The following CSMD1 variants were observed in gnomAD, a reference collection of about 807,000 sequenced individuals.
CSMD1 encodes the protein CUB and sushi domain-containing protein 1.
Under a neutral mutation model 417.5 loss-of-function variants are expected in CSMD1, and 213 were observed. The ratio of observed to expected loss-of-function variants is 0.51; its 90% CI spans 0.46 to 0.57. CSMD1 has a LOEUF of 0.57. CSMD1 is among the 20% of genes least tolerant of loss of function. CSMD1 has a pLI of 0.00. For missense variants in CSMD1, 6,923 were observed against 4,529.7 expected, an observed-to-expected ratio of 1.53 and a Z score of -15.17; for synonymous variants, 2,862 against 1,736.8, an observed-to-expected ratio of 1.65 and a Z score of -16.11.
intron 30 of CSMD1, among the ~76,000 whole-genome samples, chr8:3,208,878 T>C (rs1323255503): frequency 1.3e-5 from 2 of 152,234 alleles, no homozygotes; most frequent in Non-Finnish European, 2.9e-5. Flanking sequence ...GGACTCGGAA[T>C]GGCTCTTCTT....
intron 5 of CSMD1, among the ~76,000 whole-genome samples, chr8:3,904,461 A>C (rs1440340900): frequency 6.6e-6 from 1 of 152,152 alleles, no homozygotes; most frequent in African/African-American, 2.4e-5. Context: ...AGATTTCAGT[A>C]AATGCACATT....
chr8:4,852,341 G>C (rs537666116), intron 1 of CSMD1, among the ~76,000 whole-genome samples: 1 of 152,206 alleles, frequency 6.6e-6, no homozygotes, highest in East Asian at 1.9e-4. Context: ...AACAGTGAGA[G>C]AGTTCTTGCA....
intron 5 of CSMD1, among the ~76,000 whole-genome samples, chr8:3,763,105 G>A (rs1172612178): frequency 1.3e-5 from 2 of 152,112 alleles, no homozygotes; most frequent in African/African-American, 4.8e-5. Flanking sequence ...ACAGAGTGCT[G>A]GGCATGTGGT....
rs934475127 is a variant in CSMD1 at position 3,444,976 on chromosome 8, A to G, written c.1561+23736T>C. Among the ~76,000 whole-genome samples, 8 of 152,316 alleles carry G rather than the reference A, an allele frequency of 5.3e-5. 1 individual carries two copies. Among genetic ancestry groups the G allele is most frequent in the African/African-American group, 1.9e-4 (8 of 41,560 alleles). ...TAGCTATGAAGTCCTCATGTCAGAA[A>G]AACTCAAACTCGAACCTGTCCAAGC... On this transcript the variant is annotated intron_variant, in intron 12 of 69. Transcript: ENST00000635120.
chr8:4,614,087 G>A (rs910072811), intron 2 of CSMD1, among the ~76,000 whole-genome samples: 28 of 152,058 alleles, frequency 1.8e-4, no homozygotes, highest in Non-Finnish European at 2.5e-4. Flanking sequence ...CAGTTTACTG[G>A]CAAGCCAATG....
chr8:3,695,064 T>A (rs1800470154), intron 7 of CSMD1, among the ~76,000 whole-genome samples: 1 of 137,280 alleles, frequency 7.3e-6, no homozygotes, highest in Admixed American at 7.4e-5. Context: ...AGAAAGAACA[T>A]CACAAAAGAA....
intron 37 of CSMD1, among the ~76,000 whole-genome samples, chr8:3,178,157 T>C (rs1291138223): frequency 6.6e-6 from 1 of 152,196 alleles, no homozygotes; most frequent in Non-Finnish European, 1.5e-5. Flanking sequence ...CCAGACTTTC[T>C]TGGAACTGCT....
chr8:2,943,201 T>C (rs1174238051), intron 68 of CSMD1, among the ~76,000 whole-genome samples: 1 of 152,034 alleles, frequency 6.6e-6, no homozygotes, highest in Non-Finnish European at 1.5e-5. Flanking sequence ...TGCTAAAATG[T>C]AACTTTTTAA....
At chr8:4,221,981 G>C (rs1004019004) in intron 3 of CSMD1, among the ~76,000 whole-genome samples, 18 of 151,928 alleles carry the variant, frequency 1.2e-4, no homozygotes, top group Admixed American at 2.0e-4. Flanking sequence ...GGAGGAAGCT[G>C]TCCACCCAAC....
chr8:4,585,224 C>T (rs1186655469), intron 2 of CSMD1, among the ~76,000 whole-genome samples: 13 of 151,996 alleles, frequency 8.6e-5, no homozygotes, highest in Admixed American at 8.5e-4. Context: ...TAAAGAACAT[C>T]AGCAGAGAAC....
intron 12 of CSMD1, among the ~76,000 whole-genome samples, chr8:3,449,135 A>G (rs1815519630): frequency 6.6e-6 from 1 of 152,234 alleles, no homozygotes; most frequent in African/African-American, 2.4e-5. Flanking sequence ...CACTTGTAAT[A>G]CACTTAATCT....
chr8:3,761,025 C>G (rs879066646), intron 5 of CSMD1, among the ~76,000 whole-genome samples: 4 of 151,976 alleles, frequency 2.6e-5, no homozygotes, highest in Admixed American at 2.6e-4. Flanking sequence ...TTCATTATCT[C>G]TGTTTTGTCA....
At chr8:3,304,372 T>C (rs1412816962) in intron 25 of CSMD1, among the ~76,000 whole-genome samples, 1 of 152,144 alleles carries the variant, frequency 6.6e-6, no homozygotes, top group Non-Finnish European at 1.5e-5. Flanking sequence ...TTCTGAGTAT[T>C]AGTACAATTT....
chr8:3,367,218 G>T lies in CSMD1; in HGVS notation c.2929C>A (p.Leu977Ile), dbSNP rs767707693. 4 of 1,612,864 alleles carry T rather than the reference G, an allele frequency of 2.5e-6. No homozygotes were observed. In the South Asian group the frequency reaches 3.3e-5, roughly 13 times the overall value. ...GVQMIFHTFH[L>I]ESSHDYLLIT... ...AGTAAATAGTCGTGGGAACTCTCAA[G>T]ATGAAAGGTGTGAAAGATCATTTGA... The change falls in exon 20 of 70, where the codon CTT (leucine) becomes ATT (isoleucine). Residue 977 changes from leucine (L) to isoleucine (I), a missense_variant. By Grantham distance (5) the Leu-to-Ile change is conservative. Transcript: ENST00000635120.
chr8:4,597,388 C>A (rs1046442472), intron 2 of CSMD1, among the ~76,000 whole-genome samples: 1 of 152,090 alleles, frequency 6.6e-6, no homozygotes, highest in Non-Finnish European at 1.5e-5. Flanking sequence ...GTATGTTGAC[C>A]TGACCAAGGT....
At chr8:4,947,290 A>G (rs760269298) in intron 1 of CSMD1, among the ~76,000 whole-genome samples, 30 of 152,206 alleles carry the variant, frequency 2.0e-4, no homozygotes, top group Non-Finnish European at 3.2e-4. Flanking sequence ...CAGGAAACCT[A>G]TAAGACCATT....
intron 42 of CSMD1, among the ~76,000 whole-genome samples, chr8:3,111,650 G>A (rs576244638): frequency 6.6e-6 from 1 of 152,056 alleles, no homozygotes; most frequent in African/African-American, 2.4e-5. Flanking sequence ...TGACCAACAT[G>A]GGGAAACCCT....
At chr8:3,505,082 T>C (rs1796768271) in intron 10 of CSMD1, among the ~76,000 whole-genome samples, 1 of 152,116 alleles carries the variant, frequency 6.6e-6, no homozygotes, top group Non-Finnish European at 1.5e-5. Context: ...GGAGAATTTC[T>C]GTAACCCCTG....
chr8:3,254,473 C>G (rs1012388959), intron 26 of CSMD1, among the ~76,000 whole-genome samples: 8 of 152,170 alleles, frequency 5.3e-5, no homozygotes, highest in Non-Finnish European at 8.8e-5. Flanking sequence ...AGAGTGTTTT[C>G]CAACTTGGTT....
Sources: allele counts gnomAD v4.1 joint callset (sites outside exome capture counted in the v4.1 genomes callset), GRCh38; gene constraint gnomAD v4.1.1; transcripts MANE v1.5; gene names NCBI Gene and HGNC (gene_info 2026-07-23, HGNC 2026-07-21).